The following LYRM7 variants were observed in gnomAD, a reference collection of about 807,000 sequenced individuals.
The protein encoded by LYRM7 is LYR motif containing 7, also known as complex III assembly factor LYRM7.
In LYRM7, 9 loss-of-function variants were observed where a neutral mutation model predicts 15.8. That is an observed-to-expected ratio of 0.57 (90% CI 0.34 to 0.99). The LOEUF is 0.99. LYRM7 is among the 50% of genes least tolerant of loss of function. The pLI, the probability that LYRM7 is intolerant of heterozygous loss-of-function variation, is 0.02. For synonymous variants in LYRM7, 39 were observed against 39.4 expected, an observed-to-expected ratio of 0.99 and a Z score of 0.04; for missense variants, 115 against 119.1, an observed-to-expected ratio of 0.97 and a Z score of 0.16.
chr5:131,190,843 A>ATT (rs1252245109), intron 4 of LYRM7, among the ~76,000 whole-genome samples: 3 of 152,068 alleles, frequency 2.0e-5, no homozygotes, highest in African/African-American at 7.2e-5. Flanking sequence ...TAAACTTAAG[A>ATT]TGTGTAGTCA....
chr5:131,181,402 TATAC>T (rs1755704094), intron 2 of LYRM7, among the ~76,000 whole-genome samples: 1 of 112,546 alleles, frequency 8.9e-6, no homozygotes, highest in Non-Finnish European at 1.7e-5. Context: ...ATATATTATA[TATAC>T]ATATATATGT....
intron 4 of LYRM7, among the ~76,000 whole-genome samples, chr5:131,193,462 A>T (rs1755916261): frequency 1.3e-5 from 2 of 152,204 alleles, no homozygotes; most frequent in East Asian, 3.8e-4. Flanking sequence ...CTGGGAAGAA[A>T]ACACTTTTGT....
intron 4 of LYRM7, among the ~76,000 whole-genome samples, chr5:131,195,880 A>G (rs1755954983): frequency 6.6e-6 from 1 of 152,172 alleles, no homozygotes. Flanking sequence ...GCCCCAAAGA[A>G]GGGCATCTTC....
intron 4 of LYRM7, among the ~76,000 whole-genome samples, 199 bp downstream of exon 4, chr5:131,187,308 A>T (rs556054292): frequency 6.6e-6 from 1 of 152,070 alleles, no homozygotes; most frequent in East Asian, 1.9e-4. Context: ...TTCAATTTTT[A>T]TTTTTTATTT....
intron 3 of LYRM7, among the ~76,000 whole-genome samples, chr5:131,184,645 G>C (rs77831583): frequency 2.1e-5 from 3 of 145,160 alleles, no homozygotes; most frequent in Non-Finnish European, 3.0e-5. Flanking sequence ...TTTGGCGGGG[G>C]GGGGGTTCCA....
intron 1 of LYRM7, among the ~76,000 whole-genome samples, chr5:131,175,612 G>T (rs1012863158): frequency 6.7e-6 from 1 of 149,546 alleles, no homozygotes; most frequent in Non-Finnish European, 1.5e-5. Context: ...TTGGCTCGCC[G>T]CAACCTCTGC....
chr5:131,198,366 A>T (rs1361996042), intron 4 of LYRM7, among the ~76,000 whole-genome samples: 1 of 152,216 alleles, frequency 6.6e-6, no homozygotes, highest in Non-Finnish European at 1.5e-5. Context: ...CATTGCATGT[A>T]GTCATCATGT....
chr5:131,187,304 T>C (rs1464411699), intron 4 of LYRM7, among the ~76,000 whole-genome samples, 195 bp downstream of exon 4: 1 of 152,176 alleles, frequency 6.6e-6, no homozygotes, highest in East Asian at 1.9e-4. Context: ...TTGTTTCAAT[T>C]TTTATTTTTT....
chr5:131,204,593 A>G lies in LYRM7; in HGVS notation c.*4992A>G, dbSNP rs960583975. The G allele has an allele frequency of 2.6e-5, 4 of 151,844 alleles. No individual in the cohort carries two copies. Among genetic ancestry groups the G allele is most frequent in the Admixed American group, 6.6e-5 (1 of 15,214 alleles). The allele number at this position is 151,844 out of a possible 1,614,324, so 9.4% of individuals were successfully genotyped here. A position where few individuals can be genotyped will look rare whatever the true frequency, so the allele number is the denominator to read the frequency against. ...GACCCACCAACATGACTGATGCTCA[A>G]AGGAAATGGCCACTGGAAGATTTCA... On this transcript the variant is annotated 3_prime_UTR_variant, in exon 5 of 5. Coordinates refer to ENST00000379380, the MANE Select transcript of LYRM7 (RefSeq NM_181705.4).
intron 2 of LYRM7, among the ~76,000 whole-genome samples, chr5:131,181,495 TACAC>T (rs1267482093): frequency 7.1e-6 from 1 of 141,026 alleles, no homozygotes; most frequent in Non-Finnish European, 1.5e-5. Context: ...TATGTATATA[TACAC>T]ACACACAACA....
rs777396016 is a variant in LYRM7 at position 131,182,335 on chromosome 5, C to T, written c.162+36C>T. The stretch of plus-strand genomic sequence containing the variant: ...TTTTTCAATTATAGTAAAACTTATA[C>T]AATTATCTTGTCAAAGAGGAAATGA... On this transcript the variant is annotated intron_variant, in intron 3 of 4. Transcript: ENST00000379380. 1.6e-5 allele frequency: 21 copies of T among 1,317,478 alleles called. No homozygotes were observed. The East Asian group carries it at 5.3e-4, about 33-fold the overall frequency. The allele number at this position is 1,317,478 out of a possible 1,614,324, so 81.6% of individuals were successfully genotyped here.
chr5:131,195,334 C>T (rs1462865014), intron 4 of LYRM7, among the ~76,000 whole-genome samples: 2 of 151,942 alleles, frequency 1.3e-5, no homozygotes, highest in African/African-American at 4.8e-5. Context: ...TAAGCTAGCC[C>T]ACAAAGCAGA....
intron 4 of LYRM7, among the ~76,000 whole-genome samples, chr5:131,198,121 T>A (rs1020835393): frequency 4.6e-5 from 7 of 152,202 alleles, no homozygotes; most frequent in South Asian, 2.1e-4. Flanking sequence ...GACAGCCCAT[T>A]TGGGTCTAGA....
intron 1 of LYRM7, 139 bp downstream of exon 1, chr5:131,171,177 A>G (rs1007552298): frequency 1.6e-5 from 14 of 890,636 alleles, no homozygotes; most frequent in Non-Finnish European, 2.1e-5. Context: ...CAGAGAAGCC[A>G]GATGACCAAC....
Position 131,195,014 on chromosome 5 carries a change from G to A in LYRM7, c.245-4517G>A, listed in dbSNP as rs532079792. Among the ~76,000 whole-genome samples, 7 of 152,184 alleles carry A rather than the reference G, an allele frequency of 4.6e-5. No homozygotes were observed. In the South Asian group the frequency reaches 8.3e-4, roughly 18 times the overall value. ...ATCGCTGGCTCACACCTGTTATCCC[G>A]GCACTTTGGGAGGCTGAGGTGGGCA... is the stretch of plus-strand genomic sequence containing the variant. On this transcript the variant is annotated intron_variant, in intron 4 of 4. Transcript: ENST00000379380.
chr5:131,172,039 A>T (rs1755531007), intron 1 of LYRM7, among the ~76,000 whole-genome samples: 1 of 152,232 alleles, frequency 6.6e-6, no homozygotes, highest in African/African-American at 2.4e-5. Flanking sequence ...GACCTTAAAC[A>T]GTTATTTAAT....
chr5:131,189,102 T>C (rs1755842430), intron 4 of LYRM7, among the ~76,000 whole-genome samples: 1 of 151,362 alleles, frequency 6.6e-6, no homozygotes, highest in African/African-American at 2.4e-5. Context: ...GCCAAGATCA[T>C]GCCACCACAC....
At chr5:131,186,036 T>C (rs1033844798) in intron 3 of LYRM7, among the ~76,000 whole-genome samples, 4 of 152,182 alleles carry the variant, frequency 2.6e-5, no homozygotes, top group Non-Finnish European at 5.9e-5. Flanking sequence ...AGGTAAAAAA[T>C]GGTATTTTGA....
At chr5:131,197,532 GTCTTCTGTCT>G (rs1369304789) in intron 4 of LYRM7, among the ~76,000 whole-genome samples, 1 of 122,610 alleles carries the variant, frequency 8.2e-6, no homozygotes, top group Non-Finnish European at 1.7e-5. Flanking sequence ...TTTTAGTGTT[GTCTTCTGTCT>G]TTTTTTTTTT....
Sources: gnomAD v4.1 joint callset for allele counts (sites outside exome capture counted in the v4.1 genomes callset) on GRCh38, gnomAD v4.1.1 for gene constraint, MANE v1.5 for transcripts, NCBI Gene and HGNC (gene_info 2026-07-23, HGNC 2026-07-21) for gene names.